Variants in IGSF3 observed in about 807,000 individuals in gnomAD.
The protein encoded by IGSF3 is glu-Trp-Ile EWI motif-containing protein 3.
Under a neutral mutation model 114.4 loss-of-function variants are expected in IGSF3, and 23 were observed. The observed-to-expected ratio is 0.20, with a 90% CI of 0.14 to 0.28. The LOEUF is 0.28. IGSF3 is among the 10% of genes least tolerant of loss of function. IGSF3 has a pLI of 1.00. For synonymous variants in IGSF3, 571 were observed against 645.2 expected, an observed-to-expected ratio of 0.88 and a Z score of 1.74; for missense variants, 1,172 against 1,591.5, an observed-to-expected ratio of 0.74 and a Z score of 4.48.
chr1:116,580,404 A>T (rs942508356), intron 9 of IGSF3, among the ~76,000 whole-genome samples: 1 of 152,238 alleles, frequency 6.6e-6, no homozygotes, highest in Non-Finnish European at 1.5e-5. Context: ...TCCCCCTCCA[A>T]ATTAATATGC....
At chr1:116,667,365 C>T (rs577412229) in intron 1 of IGSF3, among the ~76,000 whole-genome samples, 30 of 152,230 alleles carry the variant, frequency 2.0e-4, no homozygotes, top group African/African-American at 7.0e-4. Context: ...TTTTACCTTG[C>T]AGGGTGTTTA....
rs1245075300 is a variant in IGSF3, at chr1:116,627,216, G to A, written c.44-10759C>T. ...GGCTCAGTGAACCGCAGCTTAGAGT[G>A]AGTTCCAGTAAAAGGACCATCACTC... is the stretch of plus-strand genomic sequence containing the variant. On this transcript the variant is annotated intron_variant, in intron 2 of 10. Transcript: ENST00000369486. This position sits in a 1 kb window ranked among gnomAD's most constrained non-coding sequence, Gnocchi z 4.7. Among the ~76,000 whole-genome samples the A allele has an allele frequency of 6.6e-6, 1 of 152,134 alleles. No homozygotes were observed. The highest frequency in any genetic ancestry group is 2.4e-5 in the African/African-American group (1 of 41,418).
rs2101070568 is a variant in IGSF3, at chr1:116,651,382, C to A, written c.43+14902G>T. Among the ~76,000 whole-genome samples the A allele has an allele frequency of 6.6e-6, 1 of 152,318 alleles. No individual in the cohort carries two copies. The highest frequency in any genetic ancestry group is 2.4e-5 in the African/African-American group (1 of 41,552). ...CAAATACACATGCTCCCACCTGAGG[C>A]TGGGAAATGTACCAAGAACTGCATA... On this transcript the variant is annotated intron_variant, in intron 2 of 10. Transcript: ENST00000369486. This position sits in a 1 kb window ranked among gnomAD's most constrained non-coding sequence, Gnocchi z 4.4.
chr1:116,643,291 G>T (rs1443273010), intron 2 of IGSF3, among the ~76,000 whole-genome samples: 1 of 152,128 alleles, frequency 6.6e-6, no homozygotes, highest in Non-Finnish European at 1.5e-5. Flanking sequence ...CCCCTCCCAC[G>T]CCACCTCTCT....
rs1659368577 is a variant in IGSF3 at position 116,576,951 on chromosome 1, A to G, written c.*361T>C. ...TTAAGGAATCCAAAAAGGGTAAACT[A>G]AAGGGATTTAAAAAGAGTACATTAC... is the stretch of plus-strand genomic sequence containing the variant. On this transcript the variant is annotated 3_prime_UTR_variant, in exon 11 of 11. Coordinates refer to ENST00000369486, the MANE Select transcript of IGSF3 (RefSeq NM_001007237.3). This position sits in a 1 kb window ranked among gnomAD's most constrained non-coding sequence, Gnocchi z 4.6. 2 of 182,634 alleles carry G rather than the reference A, an allele frequency of 1.1e-5. No homozygotes were observed. The highest frequency in any genetic ancestry group is 2.3e-5 in the Non-Finnish European group (2 of 86,714). The allele number at this position is 182,634 out of a possible 1,614,324, so 11.3% of individuals were successfully genotyped here.
rs1660132742 is a variant in IGSF3, at chr1:116,592,001, T to G, written c.2030-2897A>C. 6.6e-6 allele frequency among the ~76,000 whole-genome samples: 1 copy of G among 152,192 alleles called. No individual in the cohort carries two copies. Among genetic ancestry groups the G allele is most frequent in the African/African-American group, 2.4e-5 (1 of 41,446 alleles). The stretch of plus-strand genomic sequence containing the variant: ...AGTGAATTTTAGCTATTCTCATTCC[T>G]TTTTGGTTTCTGTGCCTTGTCCCAA... On this transcript the variant is annotated intron_variant, in intron 7 of 10. Coordinates refer to ENST00000369486, the MANE Select transcript of IGSF3 (RefSeq NM_001007237.3). This position sits in a 1 kb window ranked among gnomAD's most constrained non-coding sequence, Gnocchi z 4.5.
chr1:116,656,644 G>T (rs1648865139), intron 2 of IGSF3, among the ~76,000 whole-genome samples: 1 of 151,954 alleles, frequency 6.6e-6, no homozygotes, highest in East Asian at 1.9e-4. Flanking sequence ...CAAAAATTAG[G>T]CCAGGCACAG....
At position 116,594,750 on chromosome 1, in the gene IGSF3, G is replaced by A. The variant is rs1032120132; in HGVS notation, c.2029+5191C>T. 2.6e-5 allele frequency among the ~76,000 whole-genome samples: 4 copies of A among 151,944 alleles called. No homozygotes were observed. Among genetic ancestry groups the A allele is most frequent in the Non-Finnish European group, 5.9e-5 (4 of 67,988 alleles). ...GATCCCTGCCAGCTTGCCTGGGGGT[G>A]AACCCTCCCCAGACCCCATGCTTTA... On this transcript the variant is annotated intron_variant, in intron 7 of 10. Transcript: ENST00000369486. The surrounding 1 kb of genome is among the most constrained non-coding windows in gnomAD (Gnocchi z 5.2).
intron 2 of IGSF3, among the ~76,000 whole-genome samples, chr1:116,630,527 G>T (rs535193181): frequency 6.6e-6 from 1 of 152,290 alleles, no homozygotes; most frequent in Admixed American, 6.5e-5. Context: ...AATTGTCAGT[G>T]GGATACAGAG....
rs1355049386 is a variant in IGSF3 at position 116,636,002 on chromosome 1, T to G, written c.44-19545A>C. ...CAGACAGTAGGTGCCCAATAAGTGTTTGTGGGATGAATCAACCGGTTATTC... is the reference window on the plus strand; with the variant it reads ...CAGACAGTAGGTGCCCAATAAGTGTGTGTGGGATGAATCAACCGGTTATTC... On this transcript the variant is annotated intron_variant, in intron 2 of 10. Transcript: ENST00000369486. This position sits in a 1 kb window ranked among gnomAD's most constrained non-coding sequence, Gnocchi z 4.5. Among the ~76,000 whole-genome samples, 1 of 152,188 alleles carries G rather than the reference T, an allele frequency of 6.6e-6. No individual in the cohort carries two copies. The highest frequency in any genetic ancestry group is 1.9e-4 in the East Asian group (1 of 5,190).
intron 9 of IGSF3, among the ~76,000 whole-genome samples, chr1:116,580,798 G>A (rs1159008664): frequency 1.3e-5 from 2 of 152,324 alleles, no homozygotes; most frequent in East Asian, 3.9e-4. Flanking sequence ...AAGACAGAGA[G>A]AAAGTGGCCA....
Position 116,592,309 on chromosome 1 carries a change from C to T in IGSF3, c.2030-3205G>A, listed in dbSNP as rs1233784005. Among the ~76,000 whole-genome samples, 1 of 152,128 alleles carries T rather than the reference C, an allele frequency of 6.6e-6. No individual in the cohort carries two copies. Among genetic ancestry groups the T allele is most frequent in the Non-Finnish European group, 1.5e-5 (1 of 68,018 alleles). Reference sequence around the variant, plus strand: ...AGAAAAGAGTGAGGCTTGGTTAACCCCCAACAGTGAATTGGCAGGAGGAAG... The same window carrying T: ...AGAAAAGAGTGAGGCTTGGTTAACCTCCAACAGTGAATTGGCAGGAGGAAG... On this transcript the variant is annotated intron_variant, in intron 7 of 10. Transcript: ENST00000369486. This position sits in a 1 kb window ranked among gnomAD's most constrained non-coding sequence, Gnocchi z 4.5.
rs1327819309 is a variant in IGSF3 at position 116,664,454 on chromosome 1, C to T, written c.43+1830G>A. Among the ~76,000 whole-genome samples, 2 of 152,154 alleles carry T rather than the reference C, an allele frequency of 1.3e-5. No individual in the cohort carries two copies. The highest frequency in any genetic ancestry group is 3.8e-4 in the East Asian group (2 of 5,196). On this transcript the variant is annotated intron_variant, in intron 2 of 10. Transcript: ENST00000369486. This position sits in a 1 kb window ranked among gnomAD's most constrained non-coding sequence, Gnocchi z 4.6. ...CAAATGTCACATTGCCTTGTTTTCC[C>T]ATTGATGGTTACTTCTCCTGCCCTG...
chr1:116,626,550 C>T (rs1647295945), intron 2 of IGSF3, among the ~76,000 whole-genome samples: 1 of 151,948 alleles, frequency 6.6e-6, no homozygotes, highest in African/African-American at 2.4e-5. Context: ...TTATCCTTTC[C>T]CCACCTGAAT....
In IGSF3 at chr1:116,627,844, C is replaced by A. The variant is rs1230056827; in HGVS notation, c.44-11387G>T. On this transcript the variant is annotated intron_variant, in intron 2 of 10. Coordinates refer to ENST00000369486, the MANE Select transcript of IGSF3 (RefSeq NM_001007237.3). This position sits in a 1 kb window ranked among gnomAD's most constrained non-coding sequence, Gnocchi z 4.7. ...GACACAAAACTAGAAAATGGGGCTG[C>A]CTAGCTAGGAATGCCCAGGCAGTGA... Among the ~76,000 whole-genome samples the A allele has an allele frequency of 1.3e-5, 2 of 152,138 alleles. No individual in the cohort carries two copies. The highest frequency in any genetic ancestry group is 2.9e-5 in the Non-Finnish European group (2 of 68,018).
In IGSF3 at chr1:116,595,133, C is replaced by A. The variant is rs1045958091; in HGVS notation, c.2029+4808G>T. Among the ~76,000 whole-genome samples the A allele has an allele frequency of 9.2e-5, 14 of 152,134 alleles. No homozygotes were observed. Among genetic ancestry groups the A allele is most frequent in the African/African-American group, 3.4e-4 (14 of 41,414 alleles). On this transcript the variant is annotated intron_variant, in intron 7 of 10. Coordinates refer to ENST00000369486, the MANE Select transcript of IGSF3 (RefSeq NM_001007237.3). The surrounding 1 kb of genome is among the most constrained non-coding windows in gnomAD (Gnocchi z 4.2). Reference sequence around the variant, plus strand: ...GCAAGGGGAAAGCAGCAAGAGTCTGCAGGTGGAAATAGCTAATGAAGGTTA... The same window carrying A: ...GCAAGGGGAAAGCAGCAAGAGTCTGAAGGTGGAAATAGCTAATGAAGGTTA...
At position 116,649,391 on chromosome 1, in the gene IGSF3, T is replaced by C. The variant is rs1401074804; in HGVS notation, c.43+16893A>G. Among the ~76,000 whole-genome samples the C allele has an allele frequency of 1.3e-5, 2 of 152,234 alleles. No individual in the cohort carries two copies. Among genetic ancestry groups the C allele is most frequent in the Non-Finnish European group, 2.9e-5 (2 of 68,040 alleles). ...TACCACATCCTCTTAACCCTTGGCCTCTCATTCCCAAAGTCTAGCCCTATT... is the reference window on the plus strand; with the variant it reads ...TACCACATCCTCTTAACCCTTGGCCCCTCATTCCCAAAGTCTAGCCCTATT... On this transcript the variant is annotated intron_variant, in intron 2 of 10. Transcript: ENST00000369486. The surrounding 1 kb of genome is among the most constrained non-coding windows in gnomAD (Gnocchi z 4.5).
intron 8 of IGSF3, among the ~76,000 whole-genome samples, chr1:116,586,170 CA>C (rs1659836012): frequency 6.6e-6 from 1 of 152,208 alleles, no homozygotes; most frequent in African/African-American, 2.4e-5. Context: ...TTACTTTCTA[CA>C]CACTTCAATA....
intron 4 of IGSF3, among the ~76,000 whole-genome samples, chr1:116,611,806 A>C (rs1266158262): frequency 6.6e-6 from 1 of 151,924 alleles, no homozygotes; most frequent in Non-Finnish European, 1.5e-5. Context: ...AAATGCTATC[A>C]ATGCACTTAG....
Sources: allele counts gnomAD v4.1 joint callset (sites outside exome capture counted in the v4.1 genomes callset), GRCh38; gene constraint gnomAD v4.1.1; non-coding constraint Gnocchi (gnomAD v3.1); transcripts MANE v1.5; gene names NCBI Gene and HGNC (gene_info 2026-07-23, HGNC 2026-07-21).